PEMT: variants seen among roughly 807,000 people sequenced by gnomAD.
The protein encoded by PEMT is phosphatidylethanolamine N-methyltransferase, also known as phospholipid methyltransferase.
Under a neutral mutation model 27.4 loss-of-function variants are expected in PEMT, and 23 were observed. The ratio of observed to expected loss-of-function variants is 0.84; its 90% confidence interval spans 0.60 to 1.19. PEMT has a LOEUF of 1.19. PEMT is among the 50% of genes most tolerant of loss of function. The pLI, the probability that PEMT is intolerant of heterozygous loss-of-function variation, is 0.00. For synonymous variants in PEMT, 137 were observed against 139.1 expected (o/e 0.98, Z 0.11); for missense variants, 307 against 310.1 (o/e 0.99, Z 0.07).
rs773916384 is a variant in PEMT at position 17,576,900 on chromosome 17, G to C, written c.204+20C>G. 6.3e-7 allele frequency: 1 copy of C among 1,588,138 alleles called. No individual in the cohort carries two copies. On this transcript the variant is annotated intron_variant, in intron 2 of 6. Coordinates refer to ENST00000255389, the MANE Select transcript of PEMT (RefSeq NM_148172.3). ...GCAGTGAGATACTCCCGTCTGGACA[G>C]TGTCAGGCACATCACTTACCACATT...
At chr17:17,586,039 C>T (rs1348088870) in intron 1 of PEMT, among the ~76,000 whole-genome samples, 3 of 145,814 alleles carry the variant, frequency 2.1e-5, no homozygotes, top group African/African-American at 5.1e-5. Flanking sequence ...CCCAAGATGG[C>T]GCCACTGCAC....
chr17:17,534,506 G>A (rs1597900254), intron 2 of PEMT, among the ~76,000 whole-genome samples: 2 of 152,204 alleles, frequency 1.3e-5, no homozygotes, highest in Non-Finnish European at 2.9e-5. Context: ...ACCTGAGTAC[G>A]TGCCTCCTGG....
At chr17:17,505,873 C>T (rs371984632) in intron 6 of PEMT, 25 bp from the exon 7 acceptor site, 21 of 1,601,990 alleles carry the variant, frequency 1.3e-5, no homozygotes, top group Admixed American at 5.1e-5. Context: ...GGAGAGGCTT[C>T]GGTCAGCAGG....
At chr17:17,539,988 A>G (rs1172058159) in intron 2 of PEMT, among the ~76,000 whole-genome samples, 1 of 152,342 alleles carries the variant, frequency 6.6e-6, no homozygotes, top group East Asian at 1.9e-4. Flanking sequence ...GGCCCACCCC[A>G]GGAGTGCAGG....
At chr17:17,527,973 C>A (rs1018933377) in intron 2 of PEMT, among the ~76,000 whole-genome samples, 18 of 152,226 alleles carry the variant, frequency 1.2e-4, no homozygotes, top group Admixed American at 2.6e-4. Context: ...CCAGGACCCC[C>A]CCACCACCTG....
intron 2 of PEMT, among the ~76,000 whole-genome samples, chr17:17,554,972 C>T (rs1909946966): frequency 6.6e-6 from 1 of 152,144 alleles, no homozygotes; most frequent in African/African-American, 2.4e-5. Flanking sequence ...CATAGCTACT[C>T]ATTCAAGGCC....
intron 5 of PEMT, chr17:17,507,332 A>C (rs1410874856): frequency 2.8e-6 from 2 of 716,984 alleles, no homozygotes; most frequent in African/African-American, 3.5e-5. Context: ...CCCCTGTGCC[A>C]AGCTGCCCCC....
At chr17:17,585,843 G>A (rs577861474) in intron 1 of PEMT, among the ~76,000 whole-genome samples, 1 of 152,070 alleles carries the variant, frequency 6.6e-6, no homozygotes, top group East Asian at 1.9e-4. Flanking sequence ...AGCACTTTGA[G>A]AGGCTGAGGC....
chr17:17,506,321 T>C lies in PEMT; in HGVS notation c.579-20A>G. On this transcript the variant is annotated intron_variant, in intron 5 of 6. Transcript: ENST00000255389. Reference sequence around the variant, plus strand: ...GCGTGCCTGAAAGGACAGAGGCAGGTCAGGCCTGGCTGGAGCCAGGGTCTC... The same window carrying C: ...GCGTGCCTGAAAGGACAGAGGCAGGCCAGGCCTGGCTGGAGCCAGGGTCTC... 6.4e-7 allele frequency: 1 copy of C among 1,550,948 alleles called. No homozygotes were observed. The highest frequency in any genetic ancestry group is 8.7e-7 in the Non-Finnish European group (1 of 1,144,872).
chr17:17,546,158 C>G (rs928638827), intron 2 of PEMT, among the ~76,000 whole-genome samples: 5 of 152,208 alleles, frequency 3.3e-5, no homozygotes, highest in Non-Finnish European at 7.3e-5. Flanking sequence ...GACGCTCTGG[C>G]TGGATCCAGT....
At chr17:17,551,734 C>G (rs1407047826) in intron 2 of PEMT, among the ~76,000 whole-genome samples, 1 of 152,222 alleles carries the variant, frequency 6.6e-6, no homozygotes, top group African/African-American at 2.4e-5. Flanking sequence ...GTGTAGCACC[C>G]TCGGCCACCA....
At chr17:17,522,473 C>T in intron 2 of PEMT, 78 bp from the exon 3 acceptor site, 2 of 897,644 alleles carry the variant, frequency 2.2e-6, no homozygotes, top group Admixed American at 4.1e-5. Flanking sequence ...ACATGCCTCT[C>T]TCTGCTTCCC....
intron 2 of PEMT, among the ~76,000 whole-genome samples, chr17:17,560,245 G>T (rs920375857): frequency 1.4e-4 from 22 of 152,224 alleles, no homozygotes; most frequent in African/African-American, 5.1e-4. Flanking sequence ...GGACACCAGA[G>T]GCAAGAACAT....
In PEMT at chr17:17,573,467, A is replaced by G. The variant is rs76751216; in HGVS notation, c.204+3453T>C. ...GGGAAACAGAGTGAGATGCTGTCTC[A>G]AAAAAAAAAAAAAAGAAAAATTCAG... On this transcript the variant is annotated intron_variant, in intron 2 of 6. Coordinates refer to ENST00000255389, the MANE Select transcript of PEMT (RefSeq NM_148172.3). 1.4e-4 allele frequency among the ~76,000 whole-genome samples: 18 copies of G among 130,286 alleles called. No homozygotes were observed. The East Asian group carries it at 3.3e-3, about 24-fold the overall frequency. 85.5% of individuals were successfully genotyped at this position (130,286 alleles called of 152,430 possible). A position where few individuals can be genotyped will look rare whatever the true frequency, so the allele number is the denominator to read the frequency against.
At chr17:17,505,917 C>G in intron 6 of PEMT, 69 bp from the exon 7 acceptor site, 8 of 1,522,974 alleles carry the variant, frequency 5.3e-6, no homozygotes, top group Non-Finnish European at 7.1e-6. Context: ...CACCAGAGCT[C>G]TGCGTCCATC....
chr17:17,568,060 T>TACACAC (rs147906381), intron 2 of PEMT, among the ~76,000 whole-genome samples: 2 of 151,074 alleles, frequency 1.3e-5, no homozygotes, highest in African/African-American at 4.9e-5. Flanking sequence ...CTCACACACC[T>TACACAC]ACACACACAC....
intron 2 of PEMT, among the ~76,000 whole-genome samples, chr17:17,542,817 C>T (rs9913942): frequency 2.0e-3 from 312 of 152,328 alleles, no homozygotes; most frequent in African/African-American, 7.3e-3. Context: ...GACTGGGCCG[C>T]CCCCTCCTTT....
At chr17:17,592,085 C>G, upstream of PEMT, 1 of 985,196 alleles carries the variant, frequency 1.0e-6, no homozygotes, top group Non-Finnish European at 1.2e-6. Context: ...GGGTCACACA[C>G]GCCCAGGGCC....
At chr17:17,555,601 G>A (rs1909993748) in intron 2 of PEMT, among the ~76,000 whole-genome samples, 2 of 152,286 alleles carry the variant, frequency 1.3e-5, no homozygotes, top group African/African-American at 2.4e-5. Context: ...GGCCCCTCCA[G>A]GACCTATGCT....
Sources: allele counts gnomAD v4.1 joint callset (sites outside exome capture counted in the v4.1 genomes callset), GRCh38; gene constraint gnomAD v4.1.1; transcripts MANE v1.5; gene names NCBI Gene and HGNC (gene_info 2026-07-23, HGNC 2026-07-21).